Variants in SLC43A3 observed in about 807,000 individuals in gnomAD.
SLC43A3 encodes equilibrative nucleobase transporter 1.
SLC43A3 carries 33 observed loss-of-function variants against 53.3 expected under a neutral mutation model. The ratio of observed to expected loss-of-function variants is 0.62; its 90% CI spans 0.47 to 0.83. The LOEUF (loss-of-function observed/expected upper bound fraction) is 0.83. Ranked by LOEUF, SLC43A3 falls within the 40% of genes least tolerant of loss-of-function variation. SLC43A3 has a pLI of 0.00. For synonymous variants in SLC43A3, 236 were observed against 246.2 expected (o/e 0.96, Z 0.39); for missense variants, 530 against 610.0 (o/e 0.87, Z 1.38).
chr11:57,424,433 G>C (rs1425711054), intron 4 of SLC43A3, among the ~76,000 whole-genome samples: 1 of 152,180 alleles, frequency 6.6e-6, no homozygotes, highest in Non-Finnish European at 1.5e-5. Flanking sequence ...AAGGCCTTGA[G>C]TTCTAACTCC....
chr11:57,422,777 G>C (rs1000403715), intron 5 of SLC43A3, among the ~76,000 whole-genome samples: 5 of 152,144 alleles, frequency 3.3e-5, no homozygotes, highest in African/African-American at 1.2e-4. Flanking sequence ...ACATTCAGTT[G>C]CTTAAAAATC....
intron 6 of SLC43A3, 65 bp downstream of exon 6, chr11:57,421,232 G>T (rs148621841): frequency 2.1e-6 from 3 of 1,430,364 alleles, no homozygotes; most frequent in Non-Finnish European, 9.8e-7. Flanking sequence ...TATAGAAAAG[G>T]GTCTCTCCTT....
At chr11:57,414,764 A>G in intron 10 of SLC43A3, 33 bp from the exon 11 acceptor site, 1 of 1,584,992 alleles carries the variant, frequency 6.3e-7, no homozygotes, top group South Asian at 1.1e-5. Flanking sequence ...GGTTGATGAG[A>G]AGTTTCCAAA....
rs773590399 is a variant in SLC43A3, at chr11:57,414,632, T to C, written c.1043A>G (p.Lys348Arg). 2.5e-6 allele frequency: 4 copies of C among 1,613,030 alleles called. No individual in the cohort carries two copies. Among genetic ancestry groups the C allele is most frequent in the Non-Finnish European group, 3.4e-6 (4 of 1,179,106 alleles). The change falls in exon 11 of 14, where the codon AAG (lysine) becomes AGG (arginine). Residue 348 changes from lysine (K) to arginine (R), a missense_variant. By Grantham distance (26) the Lys-to-Arg change is conservative. Coordinates refer to ENST00000395124, the MANE Select transcript of SLC43A3 (RefSeq NM_199329.3). ...LMDRLKQKYQ[K>R]EARKTGSSTL... ...CATCTCACCTGTCTTTCTTGCTTCC[T>C]TCTGGTACTTCTGTTTAAGCCGGTC...
chr11:57,413,796 A>G (rs1021245492), intron 11 of SLC43A3, among the ~76,000 whole-genome samples: 7 of 152,034 alleles, frequency 4.6e-5, no homozygotes, highest in Admixed American at 1.3e-4. Context: ...AGCCCGACTC[A>G]TCTGCCCAGA....
At chr11:57,419,618 C>T (rs893453209) in intron 7 of SLC43A3, among the ~76,000 whole-genome samples, 2 of 151,746 alleles carry the variant, frequency 1.3e-5, no homozygotes, top group Admixed American at 6.6e-5. Context: ...GCCAACATGG[C>T]GAAACCCCAT....
At chr11:57,418,535 T>A (rs763409731) in intron 7 of SLC43A3, among the ~76,000 whole-genome samples, 42 of 151,676 alleles carry the variant, frequency 2.8e-4, no homozygotes, top group Non-Finnish European at 4.7e-4. Context: ...CTACTAAAAA[T>A]AAATAAATAA....
In SLC43A3 at chr11:57,417,801, G is replaced by T; in HGVS notation, c.618C>A (p.Leu206=). ...CSTWHVARTF[L]LMPRGHIPYP... Reference sequence around the variant, plus strand: ...ATGGGATGTGCCCCCGGGGCATCAGGAGGAAAGTGCGTGCTACATGCCAGG... The same window carrying T: ...ATGGGATGTGCCCCCGGGGCATCAGTAGGAAAGTGCGTGCTACATGCCAGG... The change falls in exon 8 of 14, where the codon CTC becomes CTA. Residue 206 remains leucine (L), a synonymous_variant. Coordinates refer to ENST00000395124, the MANE Select transcript of SLC43A3 (RefSeq NM_199329.3). 1 of 1,614,220 alleles carries T rather than the reference G, an allele frequency of 6.2e-7. No individual in the cohort carries two copies. The highest frequency in any genetic ancestry group is 8.5e-7 in the Non-Finnish European group (1 of 1,180,028).
rs535671707 is a variant in SLC43A3, at chr11:57,421,284, G to A, written c.438+13C>T. On this transcript the variant is annotated intron_variant, in intron 6 of 13. Coordinates refer to ENST00000395124, the MANE Select transcript of SLC43A3 (RefSeq NM_199329.3). ...CACCCTGCCGAGTGCCTGGGATTAG[G>A]GAAGGCTCCCACCTGCAGGTTGGTG... is the stretch of plus-strand genomic sequence containing the variant. 1.9e-6 allele frequency: 3 copies of A among 1,607,604 alleles called. No homozygotes were observed. In the East Asian group the frequency reaches 6.7e-5, roughly 36 times the overall value.
chr11:57,419,360 A>T (rs1291453769), intron 7 of SLC43A3, among the ~76,000 whole-genome samples: 1 of 152,048 alleles, frequency 6.6e-6, no homozygotes, highest in Non-Finnish European at 1.5e-5. Context: ...ACCTAGCCCA[A>T]CCTCCTCCCA....
intron 9 of SLC43A3, 27 bp from the exon 10 acceptor site, chr11:57,415,133 T>C: frequency 6.3e-7 from 1 of 1,591,586 alleles, no homozygotes; most frequent in Non-Finnish European, 8.6e-7. Context: ...GATCTGGGCG[T>C]GAATTACGAG....
intron 4 of SLC43A3, among the ~76,000 whole-genome samples, chr11:57,424,634 C>T (rs994109136): frequency 3.3e-5 from 5 of 151,930 alleles, no homozygotes; most frequent in African/African-American, 1.2e-4. Flanking sequence ...AAGCAATATC[C>T]TAAGGCTGGA....
chr11:57,416,452 T>G (rs780810328), intron 9 of SLC43A3, 121 bp downstream of exon 9: 3 of 718,504 alleles, frequency 4.2e-6, no homozygotes, highest in Non-Finnish European at 7.2e-6. Flanking sequence ...CCTAAGGCCC[T>G]TTTTCTGTCC....
At chr11:57,427,565 T>C (rs1039028313), upstream of SLC43A3, 1 of 152,134 alleles carries the variant, frequency 6.6e-6, no homozygotes, top group Non-Finnish European at 1.5e-5. Flanking sequence ...CTCTCCCAGT[T>C]TCACACTCCC....
chr11:57,421,448 C>G, intron 5 of SLC43A3, 75 bp from the exon 6 acceptor site: 1 of 1,083,942 alleles, frequency 9.2e-7, no homozygotes, highest in Non-Finnish European at 1.4e-6. Flanking sequence ...CTGCTCCCAC[C>G]TGCTCCAAAT....
chr11:57,413,031 C>G (rs1942553667), intron 11 of SLC43A3, among the ~76,000 whole-genome samples: 1 of 150,220 alleles, frequency 6.7e-6, no homozygotes, highest in East Asian at 1.9e-4. Flanking sequence ...ACAGAGGAAA[C>G]CCATAGCTCT....
In SLC43A3 at chr11:57,426,279, A is replaced by T. The variant is rs1943195100; in HGVS notation, c.-107T>A. 9.3e-7 allele frequency: 1 copy of T among 1,079,800 alleles called. No homozygotes were observed. The highest frequency in any genetic ancestry group is 1.3e-6 in the Non-Finnish European group (1 of 751,162). 66.9% of individuals were successfully genotyped at this position (1,079,800 alleles called of 1,614,324 possible). ...CTTGGAAAATTCCTCTGGCAAGCCA[A>T]GCCCTTCCTTTCCCGTAGCTCTCTG... On this transcript the variant is annotated 5_prime_UTR_variant, in exon 3 of 14. It adds an upstream start codon to the 5' untranslated region. Coordinates refer to ENST00000395124, the MANE Select transcript of SLC43A3 (RefSeq NM_199329.3).
chr11:57,418,409 C>A (rs1316610057), intron 7 of SLC43A3, among the ~76,000 whole-genome samples: 1 of 152,000 alleles, frequency 6.6e-6, no homozygotes, highest in Non-Finnish European at 1.5e-5. Context: ...GAGCACTATG[C>A]AGGGCCAAGC....
Position 57,417,896 on chromosome 11 carries a change from G to A in SLC43A3, c.532-9C>T. On this transcript the variant is annotated splice_polypyrimidine_tract_variant and intron_variant, in intron 7 of 13. Transcript: ENST00000395124. ...CCTTTTTCATAAAGAAGCTGCAGAA[G>A]GAGAAGGAAAAAGTCAGTGTCACAC... The A allele has an allele frequency of 1.2e-6, 2 of 1,613,598 alleles. No homozygotes were observed. Among genetic ancestry groups the A allele is most frequent in the South Asian group, 1.1e-5 (1 of 91,028 alleles).
Sources: gnomAD v4.1 joint callset for allele counts (sites outside exome capture counted in the v4.1 genomes callset) on GRCh38, gnomAD v4.1.1 for gene constraint, MANE v1.5 for transcripts, NCBI Gene and HGNC (gene_info 2026-07-23, HGNC 2026-07-21) for gene names.